The following PDE4D variants were observed in gnomAD, a reference collection of about 807,000 sequenced individuals.
The protein encoded by PDE4D is phosphodiesterase 4D, also known as 3',5'-cyclic-AMP phosphodiesterase 4D.
In PDE4D, 24 loss-of-function variants were observed where a neutral mutation model predicts 87.4. The ratio of observed to expected loss-of-function variants is 0.27; its 90% CI spans 0.20 to 0.39. The LOEUF is 0.39. Among genes scored for constraint, PDE4D ranks in the 10% least tolerant of loss-of-function variants. The pLI is 1.00. For missense variants in PDE4D, 714 were observed against 1,041.0 expected (o/e 0.69, Z 4.32); for synonymous variants, 384 against 383.2 (o/e 1.00, Z -0.02).
chr5:59,202,178 T>C (rs1052918859), intron 2 of PDE4D, among the ~76,000 whole-genome samples: 9 of 151,472 alleles, frequency 5.9e-5, no homozygotes, highest in African/African-American at 1.9e-4. Flanking sequence ...TAGCTGGGAC[T>C]ACAGGCGCCT....
chr5:60,179,016 C>T (rs1289057384), intron 2 of PDE4D, among the ~76,000 whole-genome samples: 1 of 152,078 alleles, frequency 6.6e-6, no homozygotes, highest in Non-Finnish European at 1.5e-5. Flanking sequence ...ACAGTCAAAT[C>T]CTTCTCACGG....
At chr5:60,323,436 C>T (rs913106269) in intron 1 of PDE4D, among the ~76,000 whole-genome samples, 2 of 152,104 alleles carry the variant, frequency 1.3e-5, no homozygotes, top group African/African-American at 4.8e-5. Context: ...TCACTGATTT[C>T]TTCCCTTACC....
At chr5:59,798,543 A>G (rs1477228942) in intron 1 of PDE4D, among the ~76,000 whole-genome samples, 1 of 152,120 alleles carries the variant, frequency 6.6e-6, no homozygotes, top group Non-Finnish European at 1.5e-5. Context: ...AGTTCCTATA[A>G]GCAATTTTTG....
At chr5:59,356,830 T>A in intron 1 of PDE4D, 1 of 1,550,314 alleles carries the variant, frequency 6.5e-7, no homozygotes, top group Non-Finnish European at 8.6e-7. Context: ...TCCCAGAGGA[T>A]CCCAAACAAA....
intron 1 of PDE4D, among the ~76,000 whole-genome samples, chr5:60,255,447 A>G (rs1320523362): frequency 6.6e-6 from 1 of 151,864 alleles, no homozygotes; most frequent in Admixed American, 6.6e-5. Context: ...TGACTCATTT[A>G]TTATATCCTA....
At chr5:59,571,294 T>C (rs1821802752) in intron 1 of PDE4D, among the ~76,000 whole-genome samples, 1 of 152,230 alleles carries the variant, frequency 6.6e-6, no homozygotes, top group South Asian at 2.1e-4. Context: ...TTGGAGCACT[T>C]AGCAATGATG....
chr5:60,504,729 C>T (rs759927926), intron 1 of PDE4D, among the ~76,000 whole-genome samples: 12 of 152,116 alleles, frequency 7.9e-5, no homozygotes, highest in East Asian at 1.9e-4. Context: ...TTAAAATTGA[C>T]GTAATGGCTT....
chr5:59,203,659 G>T (rs7724814), intron 2 of PDE4D, among the ~76,000 whole-genome samples: 2 of 151,830 alleles, frequency 1.3e-5, no homozygotes, highest in African/African-American at 2.4e-5. Context: ...ATCCTACTCA[G>T]GCTTAAAAAG....
rs982317344 is a variant in PDE4D, at chr5:60,069,087, A to G, written c.43-80370T>C. ...ATGGATATCCAGTTTTCCAAGTACC[A>G]TTTGTTGAAGAGACTCTCCAATCTC... On this transcript the variant is annotated intron_variant, in intron 2 of 16. Coordinates refer to the PDE4D transcript ENST00000502484. Among the ~76,000 whole-genome samples the G allele has an allele frequency of 4.6e-5, 7 of 152,148 alleles. No homozygotes were observed. In the East Asian group the frequency reaches 5.8e-4, roughly 13 times the overall value.
At chr5:59,131,597 AACACACACACACACACAC>A (rs34161581) in intron 5 of PDE4D, among the ~76,000 whole-genome samples, 211 of 118,174 alleles carry the variant, frequency 1.8e-3, no homozygotes, top group Non-Finnish European at 2.9e-3. Flanking sequence ...GCCAATTTAA[AACACACACACACACACAC>A]ACACACACAC....
chr5:60,096,635 A>G (rs773804965), intron 2 of PDE4D, among the ~76,000 whole-genome samples: 9 of 152,116 alleles, frequency 5.9e-5, no homozygotes, highest in Non-Finnish European at 1.3e-4. Flanking sequence ...GATGTACTTC[A>G]TAAGCACACA....
At chr5:59,824,002 T>C (rs1288682670) in intron 1 of PDE4D, among the ~76,000 whole-genome samples, 9 of 151,784 alleles carry the variant, frequency 5.9e-5, no homozygotes, top group African/African-American at 1.7e-4. Context: ...ACTGTCTTCA[T>C]AGCAGTTCTC....
At chr5:59,608,553 T>C (rs115818510) in intron 1 of PDE4D, among the ~76,000 whole-genome samples, 535 of 152,266 alleles carry the variant, frequency 3.5e-3, no homozygotes, top group African/African-American at 0.012. Context: ...ACACCAACAC[T>C]AGTCTAAATG....
intron 1 of PDE4D, among the ~76,000 whole-genome samples, chr5:59,268,459 C>A (rs1763230104): frequency 6.6e-6 from 1 of 152,046 alleles, no homozygotes; most frequent in Non-Finnish European, 1.5e-5. Context: ...GTGTCTCACC[C>A]AGGCTTGCTG....
intron 2 of PDE4D, among the ~76,000 whole-genome samples, chr5:60,173,558 TACAC>T (rs373576079): frequency 2.0e-5 from 3 of 150,258 alleles, no homozygotes; most frequent in Non-Finnish European, 4.5e-5. Flanking sequence ...TAACAGAAAT[TACAC>T]ACACACACAC....
At chr5:59,378,912 G>A (rs1785227083) in intron 1 of PDE4D, among the ~76,000 whole-genome samples, 1 of 152,036 alleles carries the variant, frequency 6.6e-6, no homozygotes, top group Non-Finnish European at 1.5e-5. Context: ...GAAAGGCAAG[G>A]GCAGAAAGCA....
chr5:59,530,262 G>A (rs1421731418), intron 1 of PDE4D, among the ~76,000 whole-genome samples: 1 of 151,858 alleles, frequency 6.6e-6, no homozygotes, highest in African/African-American at 2.4e-5. Flanking sequence ...TAAAATATAT[G>A]GTATACTAAA....
At chr5:59,815,282 T>A (rs1768849354) in intron 1 of PDE4D, among the ~76,000 whole-genome samples, 1 of 152,168 alleles carries the variant, frequency 6.6e-6, no homozygotes, top group Admixed American at 6.5e-5. Flanking sequence ...CATAGTTGAT[T>A]TTAGTATTGG....
At position 60,387,923 on chromosome 5, in the gene PDE4D, T is replaced by C. The variant is rs565178671; in HGVS notation, c.-90+100019A>G. 3.1e-3 allele frequency among the ~76,000 whole-genome samples: 473 copies of C among 152,288 alleles called. 5 individuals are homozygous for C. Among genetic ancestry groups the C allele is most frequent in the African/African-American group, 0.01 (436 of 41,558 alleles). ...AGACACCAGTCAGAAGTCTGGTGTC[T>C]TTTGACCAACCAACTTCAAGTTGGG... On this transcript the variant is annotated intron_variant, in intron 1 of 16. Transcript: ENST00000502484.
Sources: gnomAD v4.1 joint callset for allele counts (sites outside exome capture counted in the v4.1 genomes callset) on GRCh38, gnomAD v4.1.1 for gene constraint, MANE v1.5 for transcripts, NCBI Gene and HGNC (gene_info 2026-07-23, HGNC 2026-07-21) for gene names.